Variants in ZNF146 observed in about 807,000 individuals in gnomAD.
The protein encoded by ZNF146 is zinc finger protein OZF.
A neutral mutation model predicts 22.2 loss-of-function variants in ZNF146; 9 were observed. That is an observed-to-expected ratio of 0.41 (90% CI 0.24 to 0.71). The LOEUF is 0.71. Ranked by LOEUF, ZNF146 falls within the 30% of genes least tolerant of loss-of-function variation. ZNF146 has a pLI of 0.34. For synonymous variants in ZNF146, 108 were observed against 119.2 expected (o/e 0.91, Z 0.61); for missense variants, 194 against 344.8 (o/e 0.56, Z 3.46).
chr19:36,220,739 A>G (rs1401288088), intron 2 of ZNF146, among the ~76,000 whole-genome samples: 1 of 152,200 alleles, frequency 6.6e-6, no homozygotes, highest in Non-Finnish European at 1.5e-5. Flanking sequence ...ATCCTGCAAT[A>G]TAAAGAAAAT....
chr19:36,237,172 A>G lies in ZNF146; in HGVS notation c.732A>G (p.Glu244=), dbSNP rs746936664. ...GGGAGAAGCCCTATGGTTGTAATGA[A>G]TGTGGGAAAGCTTTCTCTCAGTTCT... ...HTGEKPYGCN[E]CGKAFSQFST... Residue 244 remains glutamate (E), a synonymous_variant, in exon 4 of 4, where the codon GAA becomes GAG. Coordinates refer to ENST00000443387, the MANE Select transcript of ZNF146 (RefSeq NM_007145.3). 1 of 1,614,138 alleles carries G rather than the reference A, an allele frequency of 6.2e-7. No individual in the cohort carries two copies. Among genetic ancestry groups the G allele is most frequent in the Non-Finnish European group, 8.5e-7 (1 of 1,180,002 alleles).
chr19:36,237,345 G>A lies in ZNF146; in HGVS notation c.*26G>A, dbSNP rs777456406. On this transcript the variant is annotated 3_prime_UTR_variant, in exon 4 of 4. Coordinates refer to ENST00000443387, the MANE Select transcript of ZNF146 (RefSeq NM_007145.3). ...AAACCCCATGAAAGCCTTGAAAGTG[G>A]GAAAGCTTTCATTAGAAATTTGCAC... The A allele has an allele frequency of 6.4e-7, 1 of 1,559,104 alleles. No individual in the cohort carries two copies. Among genetic ancestry groups the A allele is most frequent in the South Asian group, 1.2e-5 (1 of 81,716 alleles).
intron 1 of ZNF146, among the ~76,000 whole-genome samples, chr19:36,217,750 G>A (rs967150689): frequency 1.3e-5 from 2 of 152,048 alleles, no homozygotes; most frequent in Admixed American, 6.5e-5. Flanking sequence ...CAGGCGTGGC[G>A]GCACATGCCT....
intron 3 of ZNF146, among the ~76,000 whole-genome samples, chr19:36,233,476 C>T (rs939080906): frequency 1.3e-5 from 2 of 151,932 alleles, no homozygotes; most frequent in Non-Finnish European, 2.9e-5. Flanking sequence ...AGGGGACCGG[C>T]GTTAGGGAGG....
chr19:36,236,212 C>CT lies in ZNF146; in HGVS notation c.-227dup, dbSNP rs1254626318. ...AGAGAAACTAGTGAAGGTAGCAATA[C>CT]TTCATTGAATATTAGAAAATTTTTC... On this transcript the variant is annotated 5_prime_UTR_variant, in exon 4 of 4. Coordinates refer to ENST00000443387, the MANE Select transcript of ZNF146 (RefSeq NM_007145.3). 15 of 474,962 alleles carry CT rather than the reference C, an allele frequency of 3.2e-5. No individual in the cohort carries two copies. The highest frequency in any genetic ancestry group is 5.4e-5 in the Non-Finnish European group (15 of 277,064). The allele number at this position is 474,962 out of a possible 1,614,324, so 29.4% of individuals were successfully genotyped here. A position where few individuals can be genotyped will look rare whatever the true frequency, so the allele number is the denominator to read the frequency against.
intron 3 of ZNF146, among the ~76,000 whole-genome samples, chr19:36,232,116 T>C (rs1977402853): frequency 6.7e-6 from 1 of 148,978 alleles, no homozygotes; most frequent in Non-Finnish European, 1.5e-5. Flanking sequence ...GGCAGGAGAA[T>C]CGGTTGAACC....
chr19:36,232,106 G>A lies in ZNF146; in HGVS notation c.-783+3287G>A, dbSNP rs1275997270. Among the ~76,000 whole-genome samples the A allele has an allele frequency of 2.0e-5, 3 of 151,208 alleles. No individual in the cohort carries two copies. The East Asian group carries it at 5.8e-4, about 29-fold the overall frequency. On this transcript the variant is annotated intron_variant, in intron 3 of 3. Transcript: ENST00000443387. ...TCGTCCCAGCTACTCGGGAGGCTGA[G>A]GCAGGAGAATCGGTTGAACCTGGGA...
intron 1 of ZNF146, among the ~76,000 whole-genome samples, chr19:36,216,552 G>GGAGGCTGAGGCAGGAAAATCC: frequency 6.6e-6 from 1 of 152,276 alleles, no homozygotes; most frequent in East Asian, 1.9e-4. Context: ...GAGCTACCGC[G>GGAGGCTGAGGCAGGAAAATCC]GAGGCTGAGG....
intron 2 of ZNF146, among the ~76,000 whole-genome samples, chr19:36,221,830 C>A (rs1358295450): frequency 6.6e-6 from 1 of 151,762 alleles, no homozygotes; most frequent in Non-Finnish European, 1.5e-5. Context: ...CTGTTTCCCT[C>A]CACCTTACAT....
Position 36,236,228 on chromosome 19 carries a change from A to T in ZNF146, c.-213A>T. ...GTAGCAATACTTCATTGAATATTAGAAAATTTTTCTAGAGAGAAAGCATTG... is the reference window on the plus strand; with the variant it reads ...GTAGCAATACTTCATTGAATATTAGTAAATTTTTCTAGAGAGAAAGCATTG... On this transcript the variant is annotated 5_prime_UTR_variant, in exon 4 of 4. Coordinates refer to ENST00000443387, the MANE Select transcript of ZNF146 (RefSeq NM_007145.3). 5.6e-6 allele frequency: 3 copies of T among 531,918 alleles called. No homozygotes were observed. Among genetic ancestry groups the T allele is most frequent in the Non-Finnish European group, 9.3e-6 (3 of 321,330 alleles). The allele number at this position is 531,918 out of a possible 1,614,324, so 32.9% of individuals were successfully genotyped here. A position where few individuals can be genotyped will look rare whatever the true frequency, so the allele number is the denominator to read the frequency against.
intron 1 of ZNF146, among the ~76,000 whole-genome samples, chr19:36,216,455 A>G (rs1976608701): frequency 6.6e-6 from 1 of 152,110 alleles, no homozygotes; most frequent in African/African-American, 2.4e-5. Flanking sequence ...AGCCTGGCCA[A>G]CATGGTGAAA....
chr19:36,218,277 G>T (rs1267351684), intron 2 of ZNF146, 82 bp downstream of exon 2: 1 of 151,938 alleles, frequency 6.6e-6, no homozygotes, highest in African/African-American at 2.4e-5. Context: ...GGGTGGTTGT[G>T]TAGCTCCAGA....
At position 36,229,086 on chromosome 19, in the gene ZNF146, G is replaced by A. The variant is rs553298925; in HGVS notation, c.-783+267G>A. 4.7e-4 allele frequency among the ~76,000 whole-genome samples: 71 copies of A among 152,344 alleles called. No homozygotes were observed. In the South Asian group the frequency reaches 0.012, roughly 26 times the overall value. On this transcript the variant is annotated intron_variant, in intron 3 of 3. Transcript: ENST00000443387. ...CGTCTGTGCCGCCACTGTGGTGGCT[G>A]TTCTCCTTCATCCACATACCTTTTC... is the stretch of plus-strand genomic sequence containing the variant.
intron 2 of ZNF146, among the ~76,000 whole-genome samples, chr19:36,220,962 C>T (rs1976811073): frequency 1.3e-5 from 2 of 151,660 alleles, no homozygotes; most frequent in South Asian, 2.1e-4. Context: ...CAGCGATTCT[C>T]CTGCCTCAGC....
Position 36,237,001 on chromosome 19 carries a change from C to T in ZNF146, c.561C>T (p.Asn187=), listed in dbSNP as rs200127556. ...CTGGAGAGAAACCCTATGAATGTAA[C>T]GAATGTGGAAAAGCCTTCTCTCAGC... ...IHTGEKPYEC[N]ECGKAFSQRT... Residue 187 remains asparagine (N), a synonymous_variant, in exon 4 of 4, where the codon AAC becomes AAT. Coordinates refer to ENST00000443387, the MANE Select transcript of ZNF146 (RefSeq NM_007145.3). The T allele has an allele frequency of 1.5e-5, 25 of 1,614,092 alleles. No homozygotes were observed. The highest frequency in any genetic ancestry group is 2.2e-5 in the East Asian group (1 of 44,882).
intron 2 of ZNF146, among the ~76,000 whole-genome samples, chr19:36,224,477 G>A (rs1357088366): frequency 6.6e-6 from 1 of 152,210 alleles, no homozygotes; most frequent in African/African-American, 2.4e-5. Context: ...GTTTCTGGGT[G>A]TGAGCAGAAA....
intron 3 of ZNF146, among the ~76,000 whole-genome samples, chr19:36,230,789 A>G (rs1977314029): frequency 2.0e-5 from 3 of 152,094 alleles, no homozygotes; most frequent in Admixed American, 2.0e-4. Context: ...ACAGAGGGCC[A>G]GCCTTCCTTC....
intron 2 of ZNF146, among the ~76,000 whole-genome samples, chr19:36,226,030 A>C (rs1335407343): frequency 6.6e-6 from 1 of 152,138 alleles, no homozygotes. Flanking sequence ...TCAGCTTCCC[A>C]AAGTGCTGGG....
intron 2 of ZNF146, among the ~76,000 whole-genome samples, chr19:36,221,092 C>T (rs764492544): frequency 4.6e-5 from 7 of 152,066 alleles, no homozygotes; most frequent in African/African-American, 1.2e-4. Flanking sequence ...ACTTCCTACT[C>T]GTCTTGGCCT....
Sources: allele counts gnomAD v4.1 joint callset (sites outside exome capture counted in the v4.1 genomes callset), GRCh38; gene constraint gnomAD v4.1.1; transcripts MANE v1.5; gene names NCBI Gene and HGNC (gene_info 2026-07-23, HGNC 2026-07-21).